Variants in VEZT observed in about 807,000 individuals in gnomAD.
The protein encoded by VEZT is vezatin.
Under a neutral mutation model 79.9 loss-of-function variants are expected in VEZT, and 39 were observed. The observed-to-expected ratio is 0.49, with a 90% CI of 0.38 to 0.64. VEZT has a LOEUF of 0.64. Among genes scored for constraint, VEZT ranks in the 30% least tolerant of loss-of-function variants. VEZT has a pLI of 0.00. For missense variants in VEZT, 837 were observed against 893.1 expected (o/e 0.94, Z 0.80); for synonymous variants, 325 against 327.6 (o/e 0.99, Z 0.09).
chr12:95,274,661 G>T (rs3816838), intron 6 of VEZT, 81 bp from the exon 7 acceptor site: 523,773 of 1,399,512 alleles, frequency 0.37, 99,922 homozygotes, highest in African/African-American at 0.49. Context: ...TAAAGATTAG[G>T]GAATGTGATA....
At chr12:95,284,840 A>G (rs535560991) in intron 8 of VEZT, among the ~76,000 whole-genome samples, 5 of 152,098 alleles carry the variant, frequency 3.3e-5, no homozygotes, top group Non-Finnish European at 7.4e-5. Flanking sequence ...CATGTACACA[A>G]TATTCCACTT....
At chr12:95,235,494 C>T (rs1421539156) in intron 1 of VEZT, among the ~76,000 whole-genome samples, 1 of 136,692 alleles carries the variant, frequency 7.3e-6, no homozygotes, top group Admixed American at 7.0e-5. Flanking sequence ...GGCGGCCGGG[C>T]AGAGGCGCCC....
chr12:95,287,630 T>C, intron 8 of VEZT, 34 bp from the exon 9 acceptor site: 1 of 1,454,660 alleles, frequency 6.9e-7, no homozygotes, highest in Non-Finnish European at 9.1e-7. Flanking sequence ...TTTCATATTA[T>C]AGAAATCTGT....
chr12:95,232,200 A>G (rs2059365593), intron 1 of VEZT, among the ~76,000 whole-genome samples: 1 of 152,232 alleles, frequency 6.6e-6, no homozygotes, highest in Admixed American at 6.5e-5. Context: ...TTAAAATAAC[A>G]CATAATTTTC....
intron 7 of VEZT, among the ~76,000 whole-genome samples, chr12:95,280,524 TACACACAC>T (rs10611290): frequency 1.5e-3 from 204 of 137,732 alleles, no homozygotes; most frequent in African/African-American, 5.3e-3. Context: ...TTCATATGTG[TACACACAC>T]ACACACACAC....
In VEZT at chr12:95,253,254, A is replaced by G. The variant is rs757223327; in HGVS notation, c.168+1183A>G. 2.0e-4 allele frequency among the ~76,000 whole-genome samples: 31 copies of G among 152,350 alleles called. No homozygotes were observed. The Middle Eastern group carries it at 0.01, about 50-fold the overall frequency. ...TTGAGAGGAGCATTTAAAACTTTCA[A>G]TTAGTCATTTACAGGGAAAGTATGG... On this transcript the variant is annotated intron_variant, in intron 2 of 11. Transcript: ENST00000436874.
intron 1 of VEZT, among the ~76,000 whole-genome samples, chr12:95,236,951 A>C (rs12830009): frequency 6.6e-6 from 1 of 152,116 alleles, no homozygotes; most frequent in Admixed American, 6.5e-5. Flanking sequence ...TTGGGAATAA[A>C]TGTAGATATT....
At chr12:95,236,250 G>A (rs1364190641) in intron 1 of VEZT, among the ~76,000 whole-genome samples, 2 of 152,150 alleles carry the variant, frequency 1.3e-5, no homozygotes, top group Non-Finnish European at 2.9e-5. Flanking sequence ...GCGAAACCCC[G>A]TCTCCACCCA....
chr12:95,267,271 T>C (rs2138616368), intron 5 of VEZT, among the ~76,000 whole-genome samples: 1 of 152,340 alleles, frequency 6.6e-6, no homozygotes, highest in Admixed American at 6.5e-5. Context: ...CTAGTCACTT[T>C]TGCATACAAC....
At chr12:95,263,548 G>A (rs1256801530) in intron 4 of VEZT, among the ~76,000 whole-genome samples, 2 of 152,122 alleles carry the variant, frequency 1.3e-5, no homozygotes, top group Non-Finnish European at 2.9e-5. Flanking sequence ...CTCCTTGGGA[G>A]ACTGATATGG....
At chr12:95,230,522 ATCCTC>A (rs2059127041) in intron 1 of VEZT, among the ~76,000 whole-genome samples, 1 of 148,520 alleles carries the variant, frequency 6.7e-6, no homozygotes, top group African/African-American at 2.5e-5. Flanking sequence ...GGCTCCAGCT[ATCCTC>A]TCCTCTCACC....
chr12:95,279,839 C>T (rs1201883919), intron 7 of VEZT, among the ~76,000 whole-genome samples: 1 of 152,230 alleles, frequency 6.6e-6, no homozygotes, highest in Non-Finnish European at 1.5e-5. Context: ...CTCAAGTGAG[C>T]CTCCCAAAGT....
chr12:95,297,012 A>G (rs1435386559), intron 11 of VEZT: 2 of 152,328 alleles, frequency 1.3e-5, no homozygotes, highest in African/African-American at 4.8e-5. Context: ...GAGCCACATC[A>G]TTAGCATTAT....
rs547807716 is a variant in VEZT at position 95,259,153 on chromosome 12, C to T, written c.258+1914C>T. On this transcript the variant is annotated intron_variant, in intron 3 of 11. Coordinates refer to ENST00000436874, the MANE Select transcript of VEZT (RefSeq NM_017599.4). ...TTTATTCCGTACTTATTCTGTATGTCTATGTTTGTGCTCTTATACTGTGAT... is the reference window on the plus strand; with the variant it reads ...TTTATTCCGTACTTATTCTGTATGTTTATGTTTGTGCTCTTATACTGTGAT... Among the ~76,000 whole-genome samples the T allele has an allele frequency of 8.3e-4, 124 of 150,164 alleles. 1 individual carries two copies. The South Asian group carries it at 0.026, about 31-fold the overall frequency.
At chr12:95,281,459 C>T (rs535333579) in intron 7 of VEZT, among the ~76,000 whole-genome samples, 1 of 151,754 alleles carries the variant, frequency 6.6e-6, no homozygotes, top group Admixed American at 6.6e-5. Context: ...GCCTGGGCAA[C>T]AGAGCAAGAC....
rs2075183677 is a variant in VEZT, at chr12:95,301,281, G to A, written c.*608G>A. On this transcript the variant is annotated 3_prime_UTR_variant, in exon 12 of 12. Transcript: ENST00000436874. The stretch of plus-strand genomic sequence containing the variant: ...TGTATTTAGTAGTTAATTTTAAGAT[G>A]TCCTAGTGATCTTTAAAAGAAAAAT... 1 of 152,094 alleles carries A rather than the reference G, an allele frequency of 6.6e-6. No individual in the cohort carries two copies. The highest frequency in any genetic ancestry group is 6.6e-5 in the Admixed American group (1 of 15,262). 9.4% of individuals were successfully genotyped at this position (152,094 alleles called of 1,614,324 possible).
chr12:95,239,113 C>G (rs2060555180), intron 1 of VEZT, among the ~76,000 whole-genome samples: 1 of 152,012 alleles, frequency 6.6e-6, no homozygotes, highest in Admixed American at 6.6e-5. Flanking sequence ...ATATTTATTA[C>G]CTTTTGGGTG....
intron 3 of VEZT, chr12:95,258,219 C>T (rs1376000779): frequency 2.2e-6 from 1 of 455,786 alleles, no homozygotes; most frequent in Admixed American, 2.3e-5. Context: ...GTCTTATCGT[C>T]TACATATAAT....
intron 8 of VEZT, among the ~76,000 whole-genome samples, chr12:95,283,135 C>G (rs1455572267): frequency 1.3e-5 from 2 of 152,024 alleles, no homozygotes; most frequent in Non-Finnish European, 2.9e-5. Context: ...CTTTGTGGTC[C>G]CAGTTGAAGA....
Sources: gnomAD v4.1 joint callset for allele counts (sites outside exome capture counted in the v4.1 genomes callset) on GRCh38, gnomAD v4.1.1 for gene constraint, MANE v1.5 for transcripts, NCBI Gene and HGNC (gene_info 2026-07-23, HGNC 2026-07-21) for gene names.